Variants in AGGF1 observed in about 807,000 individuals in gnomAD.
AGGF1 encodes the protein angiogenic factor with G-patch and FHA domains 1, also known as angiogenic factor with G patch and FHA domains 1.
Under a neutral mutation model 86.5 loss-of-function variants are expected in AGGF1, and 56 were observed. That is an observed-to-expected ratio of 0.65 (90% CI 0.52 to 0.81). The LOEUF (loss-of-function observed/expected upper bound fraction) is 0.81, where lower values mean the gene tolerates loss of function less well. Among genes scored for constraint, AGGF1 ranks in the 30% least tolerant of loss-of-function variants. The pLI, the probability that AGGF1 is intolerant of heterozygous loss-of-function variation, is 0.00. For synonymous variants in AGGF1, 313 were observed against 297.1 expected, an observed-to-expected ratio of 1.05 and a Z score of -0.55; for missense variants, 816 against 850.9, an observed-to-expected ratio of 0.96 and a Z score of 0.51.
At chr5:77,053,619 T>C (rs1179860584) in intron 9 of AGGF1, among the ~76,000 whole-genome samples, 9 of 152,202 alleles carry the variant, frequency 5.9e-5, no homozygotes, top group Non-Finnish European at 1.2e-4. Flanking sequence ...AAGGGAGATG[T>C]GATGCATTTA....
intron 11 of AGGF1, among the ~76,000 whole-genome samples, chr5:77,057,013 A>G (rs1317304370): frequency 6.6e-6 from 1 of 152,234 alleles, no homozygotes; most frequent in Non-Finnish European, 1.5e-5. Context: ...AAAAATGTTC[A>G]GTATTATCAG....
In AGGF1 at chr5:77,063,070, C is replaced by T. The variant is rs370192876; in HGVS notation, c.1963C>T (p.Arg655Ter). 22 of 1,613,860 alleles carry T rather than the reference C, an allele frequency of 1.4e-5. No individual in the cohort carries two copies. Among genetic ancestry groups the T allele is most frequent in the Non-Finnish European group, 1.6e-5 (19 of 1,179,982 alleles). The change falls in exon 14 of 14, where the codon CGA (arginine) becomes TGA (stop). Residue 655 changes from arginine (R) to a stop codon, truncating the protein, a stop_gained. Transcript: ENST00000312916. LOFTEE classifies it high-confidence loss of function. ...MKTPIQLQLR[R>*]THAGLGTGKP... The stretch of plus-strand genomic sequence containing the variant: ...GTAACAGATCCAGCTTCAGCTTCGG[C>T]GAACACATGCAGGCTTGGGGACAGG...
intron 13 of AGGF1, 29 bp from the exon 14 acceptor site, chr5:77,063,023 T>TTA: frequency 6.2e-7 from 1 of 1,612,780 alleles, no homozygotes; most frequent in South Asian, 1.1e-5. Context: ...GACTCTAAAA[T>TTA]AAGTCCTCTG....
chr5:77,047,771 G>T (rs1561288180), intron 6 of AGGF1, among the ~76,000 whole-genome samples: 1 of 150,200 alleles, frequency 6.7e-6, no homozygotes, highest in Non-Finnish European at 1.5e-5. Flanking sequence ...GCCTGCGTCG[G>T]CCCCCCAAAG....
At chr5:77,042,167 T>G (rs1220890632) in intron 5 of AGGF1, among the ~76,000 whole-genome samples, 5 of 152,034 alleles carry the variant, frequency 3.3e-5, no homozygotes, top group African/African-American at 4.8e-5. Flanking sequence ...GGCAGAGGAA[T>G]TTTTCTTAGT....
rs745664448 is a variant in AGGF1, at chr5:77,048,934, A to T, written c.1314-2A>T. On this transcript the variant is annotated splice_acceptor_variant, in intron 7 of 13. Coordinates refer to ENST00000312916, the MANE Select transcript of AGGF1 (RefSeq NM_018046.5). LOFTEE classifies it high-confidence loss of function. ...TTAAAGACACTTTACTTAACTCTGC[A>T]GAGAAAAGGATATGGAACATACTCT... is the stretch of plus-strand genomic sequence containing the variant. The T allele has an allele frequency of 6.2e-7, 1 of 1,613,608 alleles. No individual in the cohort carries two copies. The highest frequency in any genetic ancestry group is 1.1e-5 in the South Asian group (1 of 91,070).
intron 2 of AGGF1, 54 bp downstream of exon 2, chr5:77,034,574 A>G (rs41272250): frequency 1.6e-6 from 2 of 1,236,980 alleles, no homozygotes; most frequent in African/African-American, 3.0e-5. Flanking sequence ...AATCATGCTA[A>G]TGTTGCGTTT....
intron 3 of AGGF1, chr5:77,036,047 C>T (rs1746962255): frequency 6.4e-6 from 2 of 313,274 alleles, no homozygotes; most frequent in African/African-American, 4.4e-5. Flanking sequence ...ACCACATTTA[C>T]ACCTAAAAAA....
At chr5:77,032,679 C>G (rs934765238) in intron 1 of AGGF1, among the ~76,000 whole-genome samples, 1 of 151,750 alleles carries the variant, frequency 6.6e-6, no homozygotes, top group Non-Finnish European at 1.5e-5. Flanking sequence ...GTACTGCTTG[C>G]GTTAGAGATT....
intron 2 of AGGF1, among the ~76,000 whole-genome samples, chr5:77,034,744 A>C (rs1746933345): frequency 6.6e-6 from 1 of 152,168 alleles, no homozygotes; most frequent in African/African-American, 2.4e-5. Context: ...AATGTTGCTA[A>C]TGTTTTCAGT....
intron 4 of AGGF1, 40 bp from the exon 5 acceptor site, chr5:77,039,491 C>G (rs1018906793): frequency 2.0e-6 from 3 of 1,510,624 alleles, no homozygotes; most frequent in Non-Finnish European, 2.7e-6. Context: ...TTTATTTTAT[C>G]TTACATGAAT....
rs938141576 is a variant in AGGF1, at chr5:77,034,430, A to G, written c.223A>G (p.Ser75Gly). Residue 75 changes from serine to glycine, a missense_variant, in exon 2 of 14, where the codon AGT (serine) becomes GGT (glycine). Around this residue, in one of 3 missense-constraint regions of AGGF1, gnomAD observed 240 missense variants for 234.4 expected, o/e 1.02. Transcript: ENST00000312916. Reference sequence around the variant, plus strand: ...TGTTTTCTCTCAGGTGGAAGAACTCAGTAAAATACTCCAACGTGGGAGAAA... The same window carrying G: ...TGTTTTCTCTCAGGTGGAAGAACTCGGTAAAATACTCCAACGTGGGAGAAA... ...QELRTQVEEL[S>G]KILQRGRNED... 1 of 1,610,768 alleles carries G rather than the reference A, an allele frequency of 6.2e-7. No homozygotes were observed. The highest frequency in any genetic ancestry group is 1.7e-5 in the Admixed American group (1 of 60,014).
chr5:77,057,905 G>T (rs1015023753), intron 11 of AGGF1, among the ~76,000 whole-genome samples: 8 of 152,192 alleles, frequency 5.3e-5, no homozygotes, highest in Admixed American at 3.3e-4. Flanking sequence ...GCACATTCTG[G>T]TTGGTGTTGA....
At chr5:77,058,543 G>A (rs779139393) in intron 11 of AGGF1, among the ~76,000 whole-genome samples, 1 of 152,112 alleles carries the variant, frequency 6.6e-6, no homozygotes, top group Non-Finnish European at 1.5e-5. Context: ...TTTAAGGAGA[G>A]AATAAAATTG....
chr5:77,061,654 A>T, intron 12 of AGGF1, 49 bp from the exon 13 acceptor site: 1 of 1,513,996 alleles, frequency 6.6e-7, no homozygotes, highest in East Asian at 2.3e-5. Context: ...TATAAATGTG[A>T]CCTAAAAGAT....
In AGGF1 at chr5:77,060,675, C is replaced by G. The variant is rs143894215; in HGVS notation, c.1844+932C>G. Reference sequence around the variant, plus strand: ...GATTCAATATCATATTGCATTGACTCTAAGAGTTTTATGGTTACAAATGGC... The same window carrying G: ...GATTCAATATCATATTGCATTGACTGTAAGAGTTTTATGGTTACAAATGGC... On this transcript the variant is annotated intron_variant, in intron 12 of 13. Coordinates refer to ENST00000312916, the MANE Select transcript of AGGF1 (RefSeq NM_018046.5). Among the ~76,000 whole-genome samples, 1,503 of 152,152 alleles carry G rather than the reference C, an allele frequency of 9.9e-3. 110 individuals are homozygous for G. The highest frequency in any genetic ancestry group is 0.091 in the Admixed American group (1,392 of 15,282).
intron 8 of AGGF1, 138 bp downstream of exon 8, chr5:77,049,125 G>A: frequency 1.4e-6 from 1 of 734,636 alleles, no homozygotes; most frequent in Non-Finnish European, 2.3e-6. Flanking sequence ...AGGCAGTGCA[G>A]ATCTGTTTAT....
At chr5:77,051,162 G>A (rs55641239) in intron 8 of AGGF1, among the ~76,000 whole-genome samples, 10 of 152,066 alleles carry the variant, frequency 6.6e-5, no homozygotes, top group African/African-American at 1.7e-4. Flanking sequence ...GGTTGGGCGC[G>A]GTGGCTTATG....
At chr5:77,045,180 C>T (rs1323180165) in intron 5 of AGGF1, among the ~76,000 whole-genome samples, 2 of 151,836 alleles carry the variant, frequency 1.3e-5, no homozygotes, top group Non-Finnish European at 2.9e-5. Context: ...AGTGAGAGTG[C>T]GTTAGAAACC....
Sources: allele counts gnomAD v4.1 joint callset (sites outside exome capture counted in the v4.1 genomes callset), GRCh38; gene constraint gnomAD v4.1.1; regional missense constraint gnomAD v4.1.1; transcripts MANE v1.5; gene names NCBI Gene and HGNC (gene_info 2026-07-23, HGNC 2026-07-21).